The following FAM135A variants were observed in gnomAD, a reference collection of about 807,000 sequenced individuals.
FAM135A encodes the protein protein FAM135A.
A neutral mutation model predicts 146.8 loss-of-function variants in FAM135A; 79 were observed. That is an observed-to-expected ratio of 0.54 (90% CI 0.45 to 0.65). FAM135A has a LOEUF of 0.65. Ranked by LOEUF, FAM135A falls within the 30% of genes least tolerant of loss-of-function variation. The pLI is 0.00. For synonymous variants in FAM135A, 562 were observed against 603.6 expected, an observed-to-expected ratio of 0.93 and a Z score of 1.01; for missense variants, 1,623 against 1,758.2, an observed-to-expected ratio of 0.92 and a Z score of 1.38.
chr6:70,480,850 A>ACATT, intron 8 of FAM135A, 51 bp from the exon 9 acceptor site: 1 of 1,504,890 alleles, frequency 6.6e-7, no homozygotes, highest in East Asian at 2.4e-5. Context: ...TATTTAACTT[A>ACATT]CATTCAAATA....
At chr6:70,471,538 A>G (rs773197051) in intron 5 of FAM135A, among the ~76,000 whole-genome samples, 30 of 152,036 alleles carry the variant, frequency 2.0e-4, no homozygotes, top group Non-Finnish European at 4.3e-4. Flanking sequence ...ATCCGGGGGA[A>G]TGACACACCC....
intron 11 of FAM135A, among the ~76,000 whole-genome samples, chr6:70,494,895 G>A (rs1390617355): frequency 2.0e-5 from 3 of 152,156 alleles, no homozygotes; most frequent in Admixed American, 2.0e-4. Context: ...ACTATGCTAA[G>A]TAAAGTGTTC....
At chr6:70,450,141 G>A (rs1321856064) in intron 4 of FAM135A, among the ~76,000 whole-genome samples, 5 of 152,004 alleles carry the variant, frequency 3.3e-5, no homozygotes, top group African/African-American at 4.8e-5. Context: ...TGAATTCCTT[G>A]TGTATTTTGG....
At chr6:70,456,074 T>G (rs1277473773) in intron 5 of FAM135A, among the ~76,000 whole-genome samples, 1 of 152,168 alleles carries the variant, frequency 6.6e-6, no homozygotes, top group Non-Finnish European at 1.5e-5. Flanking sequence ...ATGGTCACGA[T>G]CTCTTGACCT....
At chr6:70,500,629 A>G (rs989762256) in intron 11 of FAM135A, among the ~76,000 whole-genome samples, 5 of 152,032 alleles carry the variant, frequency 3.3e-5, no homozygotes, top group Admixed American at 6.6e-5. Context: ...TCTACCTTTA[A>G]TCTTTGAGGC....
chr6:70,492,254 A>G (rs1786169736), intron 11 of FAM135A, among the ~76,000 whole-genome samples: 1 of 151,858 alleles, frequency 6.6e-6, no homozygotes, highest in African/African-American at 2.4e-5. Context: ...ATAACTAAGT[A>G]TATGATAAAA....
intron 5 of FAM135A, among the ~76,000 whole-genome samples, chr6:70,464,658 C>CTTTCTTTTTT (rs1460241786): frequency 4.0e-5 from 4 of 100,454 alleles, no homozygotes; most frequent in African/African-American, 1.5e-4. Flanking sequence ...TTCTTTCTTT[C>CTTTCTTTTTT]TTTTTTTTCT....
At chr6:70,530,626 G>A (rs1228567754) in intron 16 of FAM135A, among the ~76,000 whole-genome samples, 1 of 152,082 alleles carries the variant, frequency 6.6e-6, no homozygotes, top group African/African-American at 2.4e-5. Flanking sequence ...GTGCTGGCCA[G>A]CCTATAATCC....
chr6:70,435,114 T>A (rs1040236963), intron 4 of FAM135A, among the ~76,000 whole-genome samples: 15 of 145,016 alleles, frequency 1.0e-4, no homozygotes, highest in South Asian at 2.2e-4. Context: ...TATATATTTT[T>A]TTTTTTTTTT....
intron 11 of FAM135A, among the ~76,000 whole-genome samples, chr6:70,492,298 A>G (rs1027864068): frequency 6.6e-6 from 1 of 151,790 alleles, no homozygotes; most frequent in African/African-American, 2.4e-5. Context: ...ATTGTGGTAA[A>G]GTTAACGTCA....
intron 3 of FAM135A, among the ~76,000 whole-genome samples, chr6:70,427,579 A>G (rs970852508): frequency 2.6e-5 from 4 of 152,272 alleles, no homozygotes; most frequent in South Asian, 2.1e-4. Flanking sequence ...CATTATTGAC[A>G]TATATGTTCA....
intron 7 of FAM135A, among the ~76,000 whole-genome samples, chr6:70,476,749 A>G (rs1444408441): frequency 6.6e-6 from 1 of 152,144 alleles, no homozygotes; most frequent in Non-Finnish European, 1.5e-5. Context: ...AGCACTTAAT[A>G]AAATTTTGTA....
In FAM135A at chr6:70,533,036, A is replaced by G. The variant is rs1796122611; in HGVS notation, c.3776-124A>G. On this transcript the variant is annotated intron_variant, in intron 16 of 21. Coordinates refer to ENST00000418814, the MANE Select transcript of FAM135A (RefSeq NM_001162529.3). Reference sequence around the variant, plus strand: ...AAAATTGAGAACTCTATTTCATTGTATATTGTCTGTTCACAAATGGCATAG... The same window carrying G: ...AAAATTGAGAACTCTATTTCATTGTGTATTGTCTGTTCACAAATGGCATAG... 6.9e-6 allele frequency: 5 copies of G among 729,782 alleles called. No homozygotes were observed. The African/African-American group carries it at 7.2e-5, about 10-fold the overall frequency. The allele number at this position is 729,782 out of a possible 1,614,324, so 45.2% of individuals were successfully genotyped here. A position where few individuals can be genotyped will look rare whatever the true frequency, so the allele number is the denominator to read the frequency against.
Position 70,460,184 on chromosome 6 carries a change from A to G in FAM135A, c.157+7613A>G, listed in dbSNP as rs547053876. Among the ~76,000 whole-genome samples, 5 of 152,290 alleles carry G rather than the reference A, an allele frequency of 3.3e-5. No homozygotes were observed. The East Asian group carries it at 5.8e-4, about 18-fold the overall frequency. The stretch of plus-strand genomic sequence containing the variant: ...GACTTCCTGTTATGATAAAAAGACT[A>G]TTTATCTTATTTACACCATTTCCTC... On this transcript the variant is annotated intron_variant, in intron 5 of 21. Coordinates refer to ENST00000418814, the MANE Select transcript of FAM135A (RefSeq NM_001162529.3).
Position 70,524,982 on chromosome 6 carries a change from A to G in FAM135A, c.1898A>G (p.Asn633Ser), listed in dbSNP as rs1794375874. The G allele has an allele frequency of 1.9e-6, 3 of 1,603,304 alleles. No individual in the cohort carries two copies. The highest frequency in any genetic ancestry group is 2.6e-6 in the Non-Finnish European group (3 of 1,175,898). The change falls in exon 15 of 22, where the codon AAT becomes AGT. Residue 633 changes from asparagine (N) to serine (S), a missense_variant. Coordinates refer to ENST00000418814, the MANE Select transcript of FAM135A (RefSeq NM_001162529.3). The stretch of plus-strand genomic sequence containing the variant: ...AGTGAAATTACACAAATGGAACACA[A>G]TCTGGCATCCAGAAGGTCATCAGAC... ...DDSEITQMEH[N>S]LASRRSSDDC...
At chr6:70,477,115 T>C in intron 7 of FAM135A, 44 bp from the exon 8 acceptor site, 1 of 1,557,878 alleles carries the variant, frequency 6.4e-7, no homozygotes, top group Non-Finnish European at 8.7e-7. Flanking sequence ...TATTGGCGTT[T>C]ACTAAATGTT....
chr6:70,468,259 T>C (rs1780856846), intron 5 of FAM135A, among the ~76,000 whole-genome samples: 1 of 152,200 alleles, frequency 6.6e-6, no homozygotes, highest in African/African-American at 2.4e-5. Context: ...AAGACCATCT[T>C]TTTAAGGATA....
intron 4 of FAM135A, among the ~76,000 whole-genome samples, chr6:70,431,056 C>T (rs1023247138): frequency 6.6e-6 from 1 of 152,144 alleles, no homozygotes; most frequent in Non-Finnish European, 1.5e-5. Context: ...TTTTCCTCAT[C>T]TCCTATAGTT....
chr6:70,420,249 G>C (rs532624863), intron 2 of FAM135A, among the ~76,000 whole-genome samples: 3 of 152,244 alleles, frequency 2.0e-5, no homozygotes, highest in African/African-American at 7.2e-5. Flanking sequence ...CATAATTCAG[G>C]AGTCAAGGCT....
Sources: gnomAD v4.1 joint callset for allele counts (sites outside exome capture counted in the v4.1 genomes callset) on GRCh38, gnomAD v4.1.1 for gene constraint, MANE v1.5 for transcripts, NCBI Gene and HGNC (gene_info 2026-07-23, HGNC 2026-07-21) for gene names.